Variants in PLCG2 observed in about 807,000 individuals in gnomAD.
PLCG2 encodes the protein 1-phosphatidylinositol 4,5-bisphosphate phosphodiesterase gamma-2.
A neutral mutation model predicts 175.6 loss-of-function variants in PLCG2; 69 were observed. That is an observed-to-expected ratio of 0.39 (90% CI 0.32 to 0.48). The LOEUF (loss-of-function observed/expected upper bound fraction) is 0.48. Ranked by LOEUF, PLCG2 falls within the 20% of genes least tolerant of loss-of-function variation. PLCG2 has a pLI of 0.91. For missense variants in PLCG2, 1,798 were observed against 1,650.9 expected (o/e 1.09, Z -1.54); for synonymous variants, 827 against 624.0 (o/e 1.33, Z -4.85).
At chr16:81,875,621 C>A (rs138257975) in intron 7 of PLCG2, among the ~76,000 whole-genome samples, 1 of 152,206 alleles carries the variant, frequency 6.6e-6, no homozygotes, top group Admixed American at 6.5e-5. Flanking sequence ...CAGCAGACAT[C>A]AAGCAGCGTA....
chr16:81,905,798 C>A (rs562170156), intron 15 of PLCG2, among the ~76,000 whole-genome samples: 1 of 151,964 alleles, frequency 6.6e-6, no homozygotes, highest in Admixed American at 6.6e-5. Flanking sequence ...TCTCTGGGAC[C>A]ACACGTGCGC....
At chr16:81,789,858 G>A (rs1431450771) in intron 2 of PLCG2, among the ~76,000 whole-genome samples, 2 of 118,170 alleles carry the variant, frequency 1.7e-5, no homozygotes, top group South Asian at 5.1e-4. Context: ...CCCCTCCATT[G>A]CCTCCCCTCT....
chr16:81,875,346 A>G (rs184238285), intron 7 of PLCG2, among the ~76,000 whole-genome samples: 16 of 152,264 alleles, frequency 1.1e-4, no homozygotes, highest in Admixed American at 1.0e-3. Flanking sequence ...TTTAGGGATT[A>G]AGAAACTGAG....
rs543340983 is a variant in PLCG2, at chr16:81,740,037, C to G, written c.-145+652C>G. ...CCTGCAATCACAGTTACTCGGGAGGCTGAGGCAGGAGAATCACTTGAGCCT... is the reference window on the plus strand; with the variant it reads ...CCTGCAATCACAGTTACTCGGGAGGGTGAGGCAGGAGAATCACTTGAGCCT... On this transcript the variant is annotated intron_variant, in intron 1 of 5. Transcript: ENST00000565054. 2.7e-5 allele frequency among the ~76,000 whole-genome samples: 4 copies of G among 148,348 alleles called. No individual in the cohort carries two copies. In the East Asian group the frequency reaches 8.0e-4, roughly 30 times the overall value.
intron 5 of PLCG2, among the ~76,000 whole-genome samples, chr16:81,865,454 C>T (rs1206060033): frequency 6.6e-6 from 1 of 152,172 alleles, no homozygotes; most frequent in Non-Finnish European, 1.5e-5. Context: ...TCTCAGCCTC[C>T]AGTGTTTACA....
At chr16:81,762,809 A>G (rs1243303268) in intron 2 of PLCG2, among the ~76,000 whole-genome samples, 1 of 152,194 alleles carries the variant, frequency 6.6e-6, no homozygotes, top group Non-Finnish European at 1.5e-5. Flanking sequence ...GCTAATCCCA[A>G]GGTTTTGGGT....
intron 2 of PLCG2, among the ~76,000 whole-genome samples, chr16:81,835,600 CATA>C (rs981111110): frequency 1.0e-4 from 15 of 147,162 alleles, no homozygotes; most frequent in African/African-American, 2.2e-4. Flanking sequence ...TAATAATAAT[CATA>C]ATAATAATGA....
intron 18 of PLCG2, among the ~76,000 whole-genome samples, chr16:81,911,723 G>C (rs1041556228): frequency 6.6e-6 from 1 of 150,682 alleles, no homozygotes; most frequent in African/African-American, 2.4e-5. Context: ...AGATTCTTGT[G>C]CCTCAGCCTC....
At position 81,768,978 on chromosome 16, in the gene PLCG2, T is replaced by C. The variant is rs1247887520; in HGVS notation, c.-48+13012T>C. On this transcript the variant is annotated intron_variant, in intron 2 of 5. Transcript: ENST00000565054. ...CCTGACAGAGAATAAATCTTTCATC[T>C]CCTTATCCTCAGAGCCTGTAGTAGT... Among the ~76,000 whole-genome samples the C allele has an allele frequency of 2.0e-5, 3 of 152,174 alleles. No individual in the cohort carries two copies. In the East Asian group the frequency reaches 5.8e-4, roughly 29 times the overall value.
At chr16:81,901,575 G>T (rs1183849466) in intron 14 of PLCG2, among the ~76,000 whole-genome samples, 1 of 152,122 alleles carries the variant, frequency 6.6e-6, no homozygotes, top group African/African-American at 2.4e-5. Flanking sequence ...AGGGGCACGT[G>T]AACTTCAACA....
intron 2 of PLCG2, among the ~76,000 whole-genome samples, chr16:81,812,270 T>C (rs1359474060): frequency 4.6e-5 from 7 of 151,986 alleles, no homozygotes; most frequent in Admixed American, 2.6e-4. Flanking sequence ...AGGATGGTCT[T>C]GATCTCCTGA....
chr16:81,775,978 C>T (rs1181890395), upstream of PLCG2, among the ~76,000 whole-genome samples: 1 of 151,910 alleles, frequency 6.6e-6, no homozygotes, highest in Non-Finnish European at 1.5e-5. Flanking sequence ...ATCCAGCCCC[C>T]ACCACCCACT....
intron 2 of PLCG2, among the ~76,000 whole-genome samples, chr16:81,832,160 C>T (rs1195775616): frequency 1.3e-5 from 2 of 152,048 alleles, no homozygotes; most frequent in Middle Eastern, 3.2e-3. Flanking sequence ...AGGAAATGCA[C>T]ATAAAGCCTT....
intron 2 of PLCG2, among the ~76,000 whole-genome samples, chr16:81,818,212 A>C (rs1334979451): frequency 1.3e-5 from 2 of 152,174 alleles, no homozygotes; most frequent in South Asian, 2.1e-4. Context: ...CTCACTGGTG[A>C]GGTCCTTTCT....
intron 3 of PLCG2, among the ~76,000 whole-genome samples, chr16:81,856,494 T>C (rs1242017240): frequency 6.6e-6 from 1 of 152,168 alleles, no homozygotes; most frequent in Non-Finnish European, 1.5e-5. Context: ...AGCCATACTC[T>C]CCTGGGTATT....
chr16:81,903,942 C>G (rs1195005194), intron 14 of PLCG2, among the ~76,000 whole-genome samples: 1 of 152,168 alleles, frequency 6.6e-6, no homozygotes, highest in Non-Finnish European at 1.5e-5. Context: ...TCACTTTGTA[C>G]CATGCACTTG....
At chr16:81,837,110 C>A (rs1905558485) in intron 2 of PLCG2, among the ~76,000 whole-genome samples, 1 of 152,178 alleles carries the variant, frequency 6.6e-6, no homozygotes, top group African/African-American at 2.4e-5. Context: ...GAGAACCTTT[C>A]TCTTGCTGTA....
intron 18 of PLCG2, among the ~76,000 whole-genome samples, chr16:81,911,228 G>A (rs1048417295): frequency 2.0e-5 from 3 of 152,122 alleles, no homozygotes; most frequent in African/African-American, 7.2e-5. Flanking sequence ...ATTACTTATA[G>A]CAACTTTTTT....
chr16:81,796,901 C>T (rs538982465), intron 2 of PLCG2, among the ~76,000 whole-genome samples: 52 of 152,284 alleles, frequency 3.4e-4, no homozygotes, highest in African/African-American at 1.2e-3. Context: ...AGTGGCAGGC[C>T]TAACACACAA....
Sources: allele counts gnomAD v4.1 joint callset (sites outside exome capture counted in the v4.1 genomes callset), GRCh38; gene constraint gnomAD v4.1.1; transcripts MANE v1.5; gene names NCBI Gene and HGNC (gene_info 2026-07-23, HGNC 2026-07-21).